Variants in KAZN observed in about 807,000 individuals in gnomAD.
KAZN encodes the protein kazrin.
KAZN carries 40 observed loss-of-function variants against 87.4 expected under a neutral mutation model. The observed-to-expected ratio is 0.46, with a 90% CI of 0.36 to 0.60. The LOEUF is 0.60. Among genes scored for constraint, KAZN ranks in the 20% least tolerant of loss-of-function variants. KAZN has a pLI of 0.00. For synonymous variants in KAZN, 466 were observed against 458.3 expected, an observed-to-expected ratio of 1.02 and a Z score of -0.22; for missense variants, 898 against 1,073.9, an observed-to-expected ratio of 0.84 and a Z score of 2.29.
At chr1:14,512,317 A>G (rs1670948705) in intron 2 of KAZN, among the ~76,000 whole-genome samples, 1 of 152,164 alleles carries the variant, frequency 6.6e-6, no homozygotes. Flanking sequence ...GGGCTGGATC[A>G]TTCTTTGTTG....
chr1:13,980,843 G>A (rs950215026), intron 1 of KAZN, among the ~76,000 whole-genome samples: 1 of 151,928 alleles, frequency 6.6e-6, no homozygotes, highest in African/African-American at 2.4e-5. Flanking sequence ...ATGATTGGCG[G>A]TTGGAGTAGC....
chr1:14,278,851 G>A (rs1652611757), intron 2 of KAZN, among the ~76,000 whole-genome samples: 1 of 148,122 alleles, frequency 6.8e-6, no homozygotes. Flanking sequence ...CATGTTGTCA[G>A]TTGACATTTT....
chr1:14,018,930 A>G (rs1328750199), intron 1 of KAZN, among the ~76,000 whole-genome samples: 1 of 152,150 alleles, frequency 6.6e-6, no homozygotes, highest in Non-Finnish European at 1.5e-5. Context: ...ATGGCCTGTC[A>G]TGGGACTTCT....
intron 2 of KAZN, among the ~76,000 whole-genome samples, chr1:14,296,615 G>T (rs1490361565): frequency 2.1e-5 from 3 of 145,134 alleles, no homozygotes; most frequent in Admixed American, 6.8e-5. Flanking sequence ...ATGTAGGGCT[G>T]AGTTTTTGTA....
At chr1:14,654,287 C>CAAAAAAA (rs140822403) in intron 1 of KAZN, among the ~76,000 whole-genome samples, 5 of 80,330 alleles carry the variant, frequency 6.2e-5, no homozygotes, top group South Asian at 4.5e-4. Flanking sequence ...GGCTTCGTCT[C>CAAAAAAA]AAAAAAAAAA....
intron 1 of KAZN, among the ~76,000 whole-genome samples, chr1:14,682,110 A>G (rs1640699551): frequency 6.6e-6 from 1 of 151,978 alleles, no homozygotes; most frequent in Non-Finnish European, 1.5e-5. Context: ...TATCCCCATT[A>G]AACACTAACT....
At chr1:14,306,002 C>G (rs1314149720) in intron 2 of KAZN, among the ~76,000 whole-genome samples, 1 of 152,144 alleles carries the variant, frequency 6.6e-6, no homozygotes. Context: ...GGAAAGCACT[C>G]TCATCTTTCC....
chr1:13,900,256 G>A (rs1639200401), intron 1 of KAZN, among the ~76,000 whole-genome samples: 9 of 152,104 alleles, frequency 5.9e-5, no homozygotes, highest in Admixed American at 5.9e-4. Flanking sequence ...AGGCCTTAAA[G>A]GGAAAGAGAC....
rs370476741 is a variant in KAZN at position 15,106,729 on chromosome 1, AC to A, written c.2048+2541del. ...ACGTCATCTCTAGTCTCTTCCCACA[AC>A]TTTGACAATGCACATGACCCAAAGG... On this transcript the variant is annotated intron_variant, in intron 13 of 14. Coordinates refer to ENST00000376030, the MANE Select transcript of KAZN (RefSeq NM_201628.3). Among the ~76,000 whole-genome samples, 108 of 152,168 alleles carry A rather than the reference AC, an allele frequency of 7.1e-4. 2 individuals carry two copies. The South Asian group carries it at 0.014, about 19-fold the overall frequency.
chr1:14,165,086 TTTTAA>T (rs1384968432), intron 1 of KAZN, among the ~76,000 whole-genome samples: 2 of 152,230 alleles, frequency 1.3e-5, no homozygotes, highest in Admixed American at 1.3e-4. Flanking sequence ...TCTGTGCAAT[TTTTAA>T]TTTGTCACAG....
At position 14,905,848 on chromosome 1, in the gene KAZN, T is replaced by A. The variant is rs1404899629; in HGVS notation, c.227-54836T>A. On this transcript the variant is annotated intron_variant, in intron 1 of 14. Transcript: ENST00000376030. The stretch of plus-strand genomic sequence containing the variant: ...AGACTGTGAGACTCCGTCTCAAAAA[T>A]AATAATAATAATAATAATAATAATA... Among the ~76,000 whole-genome samples the A allele has an allele frequency of 6.4e-5, 5 of 77,526 alleles. No individual in the cohort carries two copies. In the South Asian group the frequency reaches 1.5e-3, roughly 23 times the overall value. The allele number at this position is 77,526 out of a possible 152,430, so 50.9% of individuals were successfully genotyped here.
In KAZN at chr1:14,721,156, T is replaced by C. The variant is rs549363204; in HGVS notation, c.226+121933T>C. Among the ~76,000 whole-genome samples, 4 of 152,254 alleles carry C rather than the reference T, an allele frequency of 2.6e-5. No homozygotes were observed. The East Asian group carries it at 7.7e-4, about 29-fold the overall frequency. ...GCTTGGCAGTGTCCCCACCTAAATC[T>C]CGTCTTGAATTGTGGTTCCCATAAT... is the stretch of plus-strand genomic sequence containing the variant. On this transcript the variant is annotated intron_variant, in intron 1 of 14. Transcript: ENST00000376030.
intron 2 of KAZN, among the ~76,000 whole-genome samples, chr1:14,542,395 G>A (rs993191130): frequency 1.3e-5 from 2 of 151,696 alleles, no homozygotes; most frequent in African/African-American, 4.8e-5. Context: ...GTATACATAT[G>A]TAACAAACCT....
At chr1:14,897,106 C>T (rs1655362714) in intron 1 of KAZN, among the ~76,000 whole-genome samples, 1 of 152,180 alleles carries the variant, frequency 6.6e-6, no homozygotes, top group African/African-American at 2.4e-5. Flanking sequence ...ATTCTTTTGG[C>T]TCTGCCCTCT....
chr1:14,248,225 G>T (rs1649691936), intron 2 of KAZN, among the ~76,000 whole-genome samples: 1 of 152,220 alleles, frequency 6.6e-6, no homozygotes, highest in East Asian at 1.9e-4. Context: ...GGGAATTCCA[G>T]ACAGGAGACA....
At chr1:14,416,793 G>GA (rs536949245) in intron 2 of KAZN, among the ~76,000 whole-genome samples, 32 of 151,050 alleles carry the variant, frequency 2.1e-4, no homozygotes, top group Non-Finnish European at 3.2e-4. Context: ...AGCAAAAAGG[G>GA]AAAAAAAACC....
At position 14,035,943 on chromosome 1, in the gene KAZN, TC is replaced by T. The variant is rs1466440146; in HGVS notation, c.91+142190del. On this transcript the variant is annotated intron_variant, in intron 1 of 16. Transcript: ENST00000636203. ...TGGAGAAAATCATTTCCTAGGATTA[TC>T]CCTTGGCAGGCTCAGGCTTCAGGCT... 2.6e-5 allele frequency among the ~76,000 whole-genome samples: 4 copies of T among 152,330 alleles called. No homozygotes were observed. In the East Asian group the frequency reaches 7.7e-4, roughly 29 times the overall value.
chr1:14,984,569 G>A (rs1230494245), intron 2 of KAZN, among the ~76,000 whole-genome samples: 2 of 152,064 alleles, frequency 1.3e-5, no homozygotes, highest in East Asian at 3.9e-4. Context: ...AGAAAGAAGA[G>A]CAAGAAGCCA....
At chr1:15,052,667 A>T (rs183535573) in intron 4 of KAZN, among the ~76,000 whole-genome samples, 39 of 152,238 alleles carry the variant, frequency 2.6e-4, no homozygotes, top group African/African-American at 9.4e-4. Flanking sequence ...CATGTATTTT[A>T]GATGAGACTT....
Sources: allele counts gnomAD v4.1 joint callset (sites outside exome capture counted in the v4.1 genomes callset), GRCh38; gene constraint gnomAD v4.1.1; transcripts MANE v1.5; gene names NCBI Gene and HGNC (gene_info 2026-07-23, HGNC 2026-07-21).